The following CNTNAP2 variants were observed in gnomAD, a reference collection of about 807,000 sequenced individuals.
The protein encoded by CNTNAP2 is contactin associated protein 2.
Under a neutral mutation model 155.2 loss-of-function variants are expected in CNTNAP2, and 98 were observed. The observed-to-expected ratio is 0.63, with a 90% CI of 0.54 to 0.75. The LOEUF (loss-of-function observed/expected upper bound fraction) is 0.75, where lower values mean the gene tolerates loss of function less well. Among genes scored for constraint, CNTNAP2 ranks in the 30% least tolerant of loss-of-function variants. CNTNAP2 has a pLI of 0.00. For synonymous variants in CNTNAP2, 651 were observed against 631.2 expected (o/e 1.03, Z -0.47); for missense variants, 1,727 against 1,688.1 (o/e 1.02, Z -0.40).
chr7:148,337,938 TTTC>T (rs1379741996), intron 21 of CNTNAP2, among the ~76,000 whole-genome samples: 1 of 152,242 alleles, frequency 6.6e-6, no homozygotes, highest in African/African-American at 2.4e-5. Context: ...CTACAGAATG[TTTC>T]TTAAATTTAC....
intron 3 of CNTNAP2, among the ~76,000 whole-genome samples, chr7:146,922,413 TC>T (rs1464163469): frequency 2.0e-5 from 3 of 152,178 alleles, no homozygotes; most frequent in Admixed American, 6.5e-5. Context: ...TACAAAAAAG[TC>T]CCCCCATGTC....
chr7:146,617,752 T>C (rs1240465256), intron 1 of CNTNAP2, among the ~76,000 whole-genome samples: 5 of 152,052 alleles, frequency 3.3e-5, no homozygotes, highest in African/African-American at 9.7e-5. Context: ...GTGACTAAAG[T>C]GAAACAAAAT....
Position 147,225,742 on chromosome 7 carries a change from A to AGAAGGAAGGAAGGAAG in CNTNAP2, c.1349-74355_1349-74340dup, listed in dbSNP as rs56768185. Among the ~76,000 whole-genome samples the AGAAGGAAGGAAGGAAG allele has an allele frequency of 5.3e-4, 55 of 103,870 alleles. 1 individual carries two copies. Among genetic ancestry groups the AGAAGGAAGGAAGGAAG allele is most frequent in the East Asian group, 3.9e-3 (13 of 3,314 alleles). 68.1% of individuals were successfully genotyped at this position (103,870 alleles called of 152,430 possible). ...CCAAGTACTTTAAGTTAGGAAGGAA[A>AGAAGGAAGGAAGGAAG]GAAGGAAGGAAGGAAGGAAGGAAGG... On this transcript the variant is annotated intron_variant, in intron 8 of 23. Coordinates refer to ENST00000361727, the MANE Select transcript of CNTNAP2 (RefSeq NM_014141.6).
intron 21 of CNTNAP2, among the ~76,000 whole-genome samples, chr7:148,325,887 A>G (rs1003352838): frequency 6.6e-6 from 1 of 152,198 alleles, no homozygotes; most frequent in Non-Finnish European, 1.5e-5. Context: ...AAGGGGAAAG[A>G]GAGAGGTTCA....
intron 1 of CNTNAP2, among the ~76,000 whole-genome samples, chr7:146,314,487 C>T (rs1311343724): frequency 6.6e-6 from 1 of 152,102 alleles, no homozygotes; most frequent in African/African-American, 2.4e-5. Flanking sequence ...TGCCTTACTC[C>T]AAGGAATGAA....
In CNTNAP2 at chr7:147,866,374, G is replaced by A. The variant is rs866966472; in HGVS notation, c.2099-37191G>A. Among the ~76,000 whole-genome samples, 49 of 152,286 alleles carry A rather than the reference G, an allele frequency of 3.2e-4. 1 individual carries two copies. Among genetic ancestry groups the A allele is most frequent in the African/African-American group, 1.0e-3 (42 of 41,560 alleles). ...ATTTTTAGAATAAGTGTGATGTGGTGCTGAGAAAAATGTGTATTCTGTTGA... is the reference window on the plus strand; with the variant it reads ...ATTTTTAGAATAAGTGTGATGTGGTACTGAGAAAAATGTGTATTCTGTTGA... On this transcript the variant is annotated intron_variant, in intron 13 of 23. Coordinates refer to ENST00000361727, the MANE Select transcript of CNTNAP2 (RefSeq NM_014141.6).
intron 4 of CNTNAP2, among the ~76,000 whole-genome samples, chr7:147,085,292 G>C (rs1029233102): frequency 6.6e-6 from 1 of 152,130 alleles, no homozygotes; most frequent in African/African-American, 2.4e-5. Flanking sequence ...GACCTATACT[G>C]GTCCATGGCT....
In CNTNAP2 at chr7:147,513,559, G is replaced by A. The variant is rs117044111; in HGVS notation, c.1777+27518G>A. ...TATAAAGCCTTCCATGTATGTGAAG[G>A]AACATTATTTTTAACCACAGTAATT... On this transcript the variant is annotated intron_variant, in intron 11 of 23. Coordinates refer to ENST00000361727, the MANE Select transcript of CNTNAP2 (RefSeq NM_014141.6). Among the ~76,000 whole-genome samples, 91 of 152,300 alleles carry A rather than the reference G, an allele frequency of 6.0e-4. 2 individuals are homozygous for A. The East Asian group carries it at 0.017, about 28-fold the overall frequency.
At chr7:147,660,058 G>A (rs549831987) in intron 13 of CNTNAP2, among the ~76,000 whole-genome samples, 27 of 152,244 alleles carry the variant, frequency 1.8e-4, no homozygotes, top group African/African-American at 5.5e-4. Flanking sequence ...TATGCCACTC[G>A]TGTGAAAAAT....
At chr7:146,964,435 G>T (rs1012444427) in intron 3 of CNTNAP2, among the ~76,000 whole-genome samples, 2 of 152,112 alleles carry the variant, frequency 1.3e-5, no homozygotes, top group African/African-American at 4.8e-5. Context: ...CTAAAACAAA[G>T]GTATTCACTG....
chr7:146,144,848 A>G (rs550821952), intron 1 of CNTNAP2, among the ~76,000 whole-genome samples: 1 of 152,278 alleles, frequency 6.6e-6, no homozygotes, highest in East Asian at 1.9e-4. Flanking sequence ...CTGCAGCTAA[A>G]TGGATGATAA....
intron 16 of CNTNAP2, among the ~76,000 whole-genome samples, chr7:148,124,233 C>A (rs145223278): frequency 1.3e-5 from 2 of 152,230 alleles, no homozygotes; most frequent in African/African-American, 4.8e-5. Context: ...CTAGGAAGTG[C>A]CTTTCCAAAT....
At chr7:147,329,838 C>T (rs1461181183) in intron 9 of CNTNAP2, among the ~76,000 whole-genome samples, 1 of 152,098 alleles carries the variant, frequency 6.6e-6, no homozygotes, top group African/African-American at 2.4e-5. Flanking sequence ...GCACTTATGA[C>T]ATAGAAATGG....
intron 1 of CNTNAP2, among the ~76,000 whole-genome samples, chr7:146,186,501 A>G (rs1017309285): frequency 1.3e-5 from 2 of 152,200 alleles, no homozygotes; most frequent in Non-Finnish European, 2.9e-5. Context: ...TATGAATCAT[A>G]AACTATTCAA....
intron 8 of CNTNAP2, among the ~76,000 whole-genome samples, chr7:147,299,017 C>T (rs1054139122): frequency 2.4e-4 from 36 of 152,094 alleles, no homozygotes; most frequent in Non-Finnish European, 7.4e-5. Context: ...TTTTGGACAC[C>T]TTTATTCGTT....
At chr7:146,794,502 T>C (rs1263950808) in intron 2 of CNTNAP2, among the ~76,000 whole-genome samples, 1 of 152,188 alleles carries the variant, frequency 6.6e-6, no homozygotes, top group Admixed American at 6.5e-5. Context: ...AGAAATAACA[T>C]GACCCTAAAG....
intron 14 of CNTNAP2, among the ~76,000 whole-genome samples, chr7:147,913,524 A>C (rs888026061): frequency 6.6e-6 from 1 of 152,234 alleles, no homozygotes; most frequent in African/African-American, 2.4e-5. Context: ...AACAACAGGC[A>C]GTTCAATGAA....
intron 1 of CNTNAP2, among the ~76,000 whole-genome samples, chr7:146,244,280 A>G (rs919240711): frequency 2.0e-5 from 3 of 152,112 alleles, no homozygotes; most frequent in African/African-American, 7.2e-5. Context: ...AGCTTTGATG[A>G]CTTGGAGAAA....
intron 3 of CNTNAP2, among the ~76,000 whole-genome samples, chr7:147,002,916 A>T (rs1212298284): frequency 6.9e-6 from 1 of 145,768 alleles, no homozygotes; most frequent in Admixed American, 6.9e-5. Context: ...GGACACAAAC[A>T]TTCAGAACAT....
Sources: gnomAD v4.1 joint callset for allele counts (sites outside exome capture counted in the v4.1 genomes callset) on GRCh38, gnomAD v4.1.1 for gene constraint, MANE v1.5 for transcripts, NCBI Gene and HGNC (gene_info 2026-07-23, HGNC 2026-07-21) for gene names.